NEGR1: variants seen among roughly 807,000 people sequenced by gnomAD.
NEGR1 encodes IgLON family member 4.
In NEGR1, 10 loss-of-function variants were observed where a neutral mutation model predicts 40.9. The ratio of observed to expected loss-of-function variants is 0.24; its 90% CI spans 0.15 to 0.42. NEGR1 has a LOEUF of 0.42. Ranked by LOEUF, NEGR1 falls within the 10% of genes least tolerant of loss-of-function variation. NEGR1 has a pLI of 1.00. For synonymous variants in NEGR1, 185 were observed against 166.8 expected, an observed-to-expected ratio of 1.11 and a Z score of -0.84; for missense variants, 352 against 438.9, an observed-to-expected ratio of 0.80 and a Z score of 1.77.
chr1:72,079,473 T>C (rs1647894749), intron 1 of NEGR1, among the ~76,000 whole-genome samples: 1 of 152,098 alleles, frequency 6.6e-6, no homozygotes, highest in South Asian at 2.1e-4. Context: ...GAAAGCAGTA[T>C]TAGATATTAG....
At chr1:72,011,053 T>C (rs1001949546) in intron 1 of NEGR1, among the ~76,000 whole-genome samples, 2 of 152,146 alleles carry the variant, frequency 1.3e-5, no homozygotes, top group Non-Finnish European at 2.9e-5. Context: ...AAAAATTTAG[T>C]ACATATTAAA....
chr1:72,041,513 G>C (rs1394381803), intron 1 of NEGR1, among the ~76,000 whole-genome samples: 1 of 149,402 alleles, frequency 6.7e-6, no homozygotes, highest in African/African-American at 2.5e-5. Context: ...TGTACTCAAG[G>C]ACTTAGGACT....
intron 1 of NEGR1, among the ~76,000 whole-genome samples, chr1:71,971,213 C>T (rs576084963): frequency 6.6e-6 from 1 of 152,292 alleles, no homozygotes; most frequent in African/African-American, 2.4e-5. Flanking sequence ...TCAGTGTTAG[C>T]GTGGTGCTGT....
Position 71,692,795 on chromosome 1 carries a change from A to T in NEGR1, c.667+5213T>A, listed in dbSNP as rs377538830. Among the ~76,000 whole-genome samples the T allele has an allele frequency of 4.6e-5, 7 of 151,974 alleles. No homozygotes were observed. The South Asian group carries it at 8.3e-4, about 18-fold the overall frequency. On this transcript the variant is annotated intron_variant, in intron 4 of 6. Coordinates refer to ENST00000357731, the MANE Select transcript of NEGR1 (RefSeq NM_173808.3). Reference sequence around the variant, plus strand: ...CGTAGCAGATGCAAAATAATGCACAAATATGTGCCTGTAACTTATTGGATA... The same window carrying T: ...CGTAGCAGATGCAAAATAATGCACATATATGTGCCTGTAACTTATTGGATA...
intron 2 of NEGR1, among the ~76,000 whole-genome samples, chr1:71,816,730 T>C (rs1028964185): frequency 1.3e-5 from 2 of 151,950 alleles, no homozygotes; most frequent in Non-Finnish European, 2.9e-5. Context: ...ATTGCTCCTG[T>C]TCCCATTCCC....
chr1:71,774,124 G>C (rs1656421383), intron 3 of NEGR1, among the ~76,000 whole-genome samples: 1 of 151,968 alleles, frequency 6.6e-6, no homozygotes. Context: ...TATATTTTTT[G>C]AGTCCCACAA....
At chr1:72,156,094 C>T (rs545094174) in intron 1 of NEGR1, among the ~76,000 whole-genome samples, 2 of 151,450 alleles carry the variant, frequency 1.3e-5, no homozygotes, top group East Asian at 3.9e-4. Context: ...AAGAAGTTAA[C>T]ATGATTCTTC....
At chr1:72,277,427 C>T (rs547596451) in intron 1 of NEGR1, among the ~76,000 whole-genome samples, 5 of 152,276 alleles carry the variant, frequency 3.3e-5, no homozygotes, top group Middle Eastern at 6.8e-3. Context: ...CATTAACACG[C>T]TTGTGTTCAA....
chr1:72,220,773 A>G (rs567525308), intron 1 of NEGR1, among the ~76,000 whole-genome samples: 3 of 152,180 alleles, frequency 2.0e-5, no homozygotes, highest in South Asian at 4.1e-4. Context: ...TTAAACTGTA[A>G]AAGTAAAATA....
At chr1:72,172,374 C>T (rs1043333968) in intron 1 of NEGR1, among the ~76,000 whole-genome samples, 1 of 152,054 alleles carries the variant, frequency 6.6e-6, no homozygotes, top group Non-Finnish European at 1.5e-5. Context: ...ACCATACCAA[C>T]ATGCAACCTT....
At chr1:72,269,372 T>C (rs980804721) in intron 1 of NEGR1, among the ~76,000 whole-genome samples, 4 of 151,592 alleles carry the variant, frequency 2.6e-5, no homozygotes, top group Non-Finnish European at 5.9e-5. Context: ...AGGATGGGCA[T>C]TCAGATGATT....
rs187489972 is a variant in NEGR1, at chr1:71,685,886, C to T, written c.667+12122G>A. ...GAAACTTATGAAATCTTGTTTATGCCAATTTTTTGGCATCGCGACGGAGCT... is the reference window on the plus strand; with the variant it reads ...GAAACTTATGAAATCTTGTTTATGCTAATTTTTTGGCATCGCGACGGAGCT... On this transcript the variant is annotated intron_variant, in intron 4 of 6. Transcript: ENST00000357731. 3.3e-4 allele frequency among the ~76,000 whole-genome samples: 50 copies of T among 152,090 alleles called. 1 individual carries two copies. In the East Asian group the frequency reaches 9.3e-3, roughly 28 times the overall value.
At chr1:71,706,169 C>T (rs752971841) in intron 3 of NEGR1, among the ~76,000 whole-genome samples, 49 of 152,176 alleles carry the variant, frequency 3.2e-4, no homozygotes, top group African/African-American at 1.0e-3. Context: ...CATCTTTGGA[C>T]GCTGGGGGAG....
At chr1:72,093,964 T>A (rs754483285) in intron 1 of NEGR1, among the ~76,000 whole-genome samples, 1 of 152,222 alleles carries the variant, frequency 6.6e-6, no homozygotes, top group Non-Finnish European at 1.5e-5. Flanking sequence ...TAATACATTT[T>A]GTAGAATGTG....
rs1652784926 is a variant in NEGR1 at position 72,190,571 on chromosome 1, T to C, written c.176+91748A>G. ...ATAATGCACACAGATAATCACACAATTTTACTTTCTGTCAACAAAGAAATG... is the reference window on the plus strand; with the variant it reads ...ATAATGCACACAGATAATCACACAACTTTACTTTCTGTCAACAAAGAAATG... On this transcript the variant is annotated intron_variant, in intron 1 of 6. Coordinates refer to ENST00000357731, the MANE Select transcript of NEGR1 (RefSeq NM_173808.3). Among the ~76,000 whole-genome samples, 4 of 151,678 alleles carry C rather than the reference T, an allele frequency of 2.6e-5. No individual in the cohort carries two copies. The South Asian group carries it at 8.3e-4, about 31-fold the overall frequency.
intron 4 of NEGR1, among the ~76,000 whole-genome samples, chr1:71,666,391 C>T (rs547063906): frequency 6.6e-6 from 1 of 152,198 alleles, no homozygotes; most frequent in Admixed American, 6.5e-5. Context: ...AAGTACCCAT[C>T]ATGGAAATAG....
chr1:71,462,324 G>A (rs185126611), intron 6 of NEGR1, among the ~76,000 whole-genome samples: 13 of 152,220 alleles, frequency 8.5e-5, no homozygotes, highest in African/African-American at 3.1e-4. Flanking sequence ...TGGTATTTGG[G>A]AAATTCAACA....
intron 1 of NEGR1, among the ~76,000 whole-genome samples, chr1:72,201,779 A>G (rs536694142): frequency 1.3e-5 from 2 of 152,082 alleles, no homozygotes; most frequent in East Asian, 1.9e-4. Context: ...TCTTAATGAA[A>G]CATGTAATTT....
Position 71,607,611 on chromosome 1 carries a change from T to C in NEGR1, c.788+3415A>G, listed in dbSNP as rs568710606. Among the ~76,000 whole-genome samples, 3 of 152,326 alleles carry C rather than the reference T, an allele frequency of 2.0e-5. No homozygotes were observed. In the East Asian group the frequency reaches 5.8e-4, roughly 29 times the overall value. ...TTACAGGTTTGTTATAAGAGTAAAA[T>C]GGGTAAATATTATCAACTTAGAACA... On this transcript the variant is annotated intron_variant, in intron 5 of 6. Transcript: ENST00000357731.
Sources: gnomAD v4.1 joint callset for allele counts (sites outside exome capture counted in the v4.1 genomes callset) on GRCh38, gnomAD v4.1.1 for gene constraint, MANE v1.5 for transcripts, NCBI Gene and HGNC (gene_info 2026-07-23, HGNC 2026-07-21) for gene names.